The following SPTLC3 variants were observed in gnomAD, a reference collection of about 807,000 sequenced individuals.
SPTLC3 encodes serine palmitoyltransferase 3.
SPTLC3 carries 36 observed loss-of-function variants against 59.3 expected under a neutral mutation model. The observed-to-expected ratio is 0.61, with a 90% confidence interval of 0.47 to 0.80. The LOEUF is 0.80. Ranked by LOEUF, SPTLC3 falls within the 30% of genes least tolerant of loss-of-function variation. The probability of loss-of-function intolerance (pLI) is 0.00; values close to 1 mark genes in which losing one functional copy is unlikely to be tolerated. For synonymous variants in SPTLC3, 257 were observed against 240.8 expected (o/e 1.07, Z -0.62); for missense variants, 625 against 685.1 (o/e 0.91, Z 0.98).
At position 13,168,581 on chromosome 20, in the gene SPTLC3, A is replaced by G. The variant is rs982548319; in HGVS notation, c.*3714A>G. 1 of 152,226 alleles carries G rather than the reference A, an allele frequency of 6.6e-6. No homozygotes were observed. Among genetic ancestry groups the G allele is most frequent in the Non-Finnish European group, 1.5e-5 (1 of 68,038 alleles). 9.4% of individuals were successfully genotyped at this position (152,226 alleles called of 1,614,324 possible). On this transcript the variant is annotated 3_prime_UTR_variant, in exon 12 of 12. Coordinates refer to ENST00000399002, the MANE Select transcript of SPTLC3 (RefSeq NM_018327.4). ...CCAACAACAGCTCTTCAGTAGGGTA[A>G]AAGTCTTAACAGTTCTTCAAACGAA...
intron 7 of SPTLC3, among the ~76,000 whole-genome samples, chr20:13,112,626 C>T (rs1234765984): frequency 6.6e-6 from 1 of 152,202 alleles, no homozygotes; most frequent in Non-Finnish European, 1.5e-5. Flanking sequence ...AGAGTGAAGT[C>T]CCCACTTTCC....
intron 1 of SPTLC3, 77 bp from the exon 2 acceptor site, chr20:13,048,868 A>C (rs982643483): frequency 2.3e-6 from 3 of 1,308,080 alleles, no homozygotes; most frequent in African/African-American, 1.5e-5. Flanking sequence ...CAAAGGGTTG[A>C]AAGTTCACAA....
chr20:13,139,403 C>T (rs528148007), intron 9 of SPTLC3, among the ~76,000 whole-genome samples: 2 of 152,104 alleles, frequency 1.3e-5, no homozygotes, highest in Non-Finnish European at 2.9e-5. Flanking sequence ...TCATTTTTTC[C>T]TAACATAAAG....
At chr20:13,160,164 T>A in intron 11 of SPTLC3, 32 bp downstream of exon 11, 3 of 1,585,036 alleles carry the variant, frequency 1.9e-6, no homozygotes, top group Non-Finnish European at 2.6e-6. Context: ...GGGATCTCAG[T>A]ACCAGTACCT....
intron 2 of SPTLC3, among the ~76,000 whole-genome samples, chr20:13,061,455 G>C (rs1294195976): frequency 6.6e-6 from 1 of 152,132 alleles, no homozygotes; most frequent in East Asian, 1.9e-4. Flanking sequence ...GCCACCACGG[G>C]ACAGGTGTCT....
intron 6 of SPTLC3, among the ~76,000 whole-genome samples, chr20:13,106,352 C>T (rs1362950935): frequency 1.3e-5 from 2 of 152,014 alleles, no homozygotes; most frequent in Non-Finnish European, 2.9e-5. Context: ...GGAAGAGAGA[C>T]ATGAAAGCAA....
In SPTLC3 at chr20:13,120,805, C is replaced by T. The variant is rs112694528; in HGVS notation, c.1152+3080C>T. On this transcript the variant is annotated intron_variant, in intron 8 of 11. Coordinates refer to ENST00000399002, the MANE Select transcript of SPTLC3 (RefSeq NM_018327.4). ...CTGCTAATTGGAAGTTGCTGCCAGG[C>T]TGTGATCCCCACTTTCCACCTCAAG... Among the ~76,000 whole-genome samples the T allele has an allele frequency of 3.2e-3, 489 of 152,338 alleles. 2 individuals are homozygous for T. The highest frequency in any genetic ancestry group is 0.011 in the African/African-American group (466 of 41,570).
chr20:13,106,680 C>T (rs969473297), intron 6 of SPTLC3, among the ~76,000 whole-genome samples: 2 of 152,182 alleles, frequency 1.3e-5, no homozygotes, highest in Non-Finnish European at 2.9e-5. Flanking sequence ...AAGTATTTCT[C>T]ACTGGAGGCT....
chr20:13,095,088 A>G (rs1233759566), intron 6 of SPTLC3, among the ~76,000 whole-genome samples: 1 of 152,190 alleles, frequency 6.6e-6, no homozygotes, highest in Non-Finnish European at 1.5e-5. Context: ...CAAGGCTCCA[A>G]GTAAGTTTAT....
chr20:13,109,987 G>C (rs1467674652), intron 6 of SPTLC3, 125 bp from the exon 7 acceptor site: 2 of 714,180 alleles, frequency 2.8e-6, no homozygotes, highest in Non-Finnish European at 4.5e-6. Context: ...AGGGTTCTCT[G>C]ATTCTGAATT....
intron 2 of SPTLC3, chr20:13,049,377 T>G (rs1987378366): frequency 2.6e-6 from 1 of 381,262 alleles, no homozygotes; most frequent in Non-Finnish European, 4.9e-6. Context: ...TACCTTGTAA[T>G]ATTTAATTTT....
chr20:13,045,734 C>G (rs1987203842), intron 1 of SPTLC3, among the ~76,000 whole-genome samples: 1 of 152,042 alleles, frequency 6.6e-6, no homozygotes, highest in African/African-American at 2.4e-5. Context: ...TTACTTGCTT[C>G]CAGAACAAGT....
rs944662224 is a variant in SPTLC3 at position 13,128,855 on chromosome 20, C to A, written c.1279+2138C>A. 8.7e-5 allele frequency among the ~76,000 whole-genome samples: 13 copies of A among 149,398 alleles called. No individual in the cohort carries two copies. In the Admixed American group the frequency reaches 8.8e-4, roughly 10 times the overall value. On this transcript the variant is annotated intron_variant, in intron 9 of 11. Transcript: ENST00000399002. ...ACAGGTGTGCACCAACAGGCATGCA[C>A]CACCATGCCCAGCTAATTTTTTTTT...
chr20:13,131,648 A>G (rs1390601485), intron 9 of SPTLC3, among the ~76,000 whole-genome samples: 1 of 152,122 alleles, frequency 6.6e-6, no homozygotes, highest in Non-Finnish European at 1.5e-5. Context: ...ATTCAGAATC[A>G]GGTCACTTCT....
chr20:13,127,829 C>T (rs2038029879), intron 9 of SPTLC3, among the ~76,000 whole-genome samples: 1 of 152,148 alleles, frequency 6.6e-6, no homozygotes, highest in South Asian at 2.1e-4. Flanking sequence ...TCTAGGATCC[C>T]TTCCAGGCTT....
chr20:13,147,386 C>A (rs557036307), intron 9 of SPTLC3, among the ~76,000 whole-genome samples: 1 of 152,076 alleles, frequency 6.6e-6, no homozygotes, highest in Non-Finnish European at 1.5e-5. Context: ...TGATCTTTAC[C>A]GAGATCTCTC....
Position 13,166,392 on chromosome 20 carries a change from GC to G in SPTLC3, c.*1526del, listed in dbSNP as rs772920822. 3 of 152,302 alleles carry G rather than the reference GC, an allele frequency of 2.0e-5. No homozygotes were observed. Among genetic ancestry groups the G allele is most frequent in the Non-Finnish European group, 2.9e-5 (2 of 68,038 alleles). The allele number at this position is 152,302 out of a possible 1,614,324, so 9.4% of individuals were successfully genotyped here. ...GGGGAAATTATAACTCCAAGTGGGT[GC>G]ATTGGTTTAAAAATGGATCACAATG... On this transcript the variant is annotated 3_prime_UTR_variant, in exon 12 of 12. Transcript: ENST00000399002.
At chr20:13,162,458 C>A (rs1327421299) in intron 11 of SPTLC3, among the ~76,000 whole-genome samples, 2 of 152,084 alleles carry the variant, frequency 1.3e-5, no homozygotes, top group African/African-American at 2.4e-5. Context: ...GTGCCCATCT[C>A]AACAGAAAAT....
At chr20:13,036,778 T>G (rs1986754026) in intron 1 of SPTLC3, among the ~76,000 whole-genome samples, 1 of 152,122 alleles carries the variant, frequency 6.6e-6, no homozygotes, top group Non-Finnish European at 1.5e-5. Context: ...GTGTACTAGA[T>G]AGCCATCAGT....
Sources: gnomAD v4.1 joint callset for allele counts (sites outside exome capture counted in the v4.1 genomes callset) on GRCh38, gnomAD v4.1.1 for gene constraint, MANE v1.5 for transcripts, NCBI Gene and HGNC (gene_info 2026-07-23, HGNC 2026-07-21) for gene names.